KAZN: variants seen among roughly 807,000 people sequenced by gnomAD.
KAZN encodes kazrin, periplakin interacting protein.
Under a neutral mutation model 87.4 loss-of-function variants are expected in KAZN, and 40 were observed. That is an observed-to-expected ratio of 0.46 (90% CI 0.36 to 0.60). The LOEUF is 0.60. Ranked by LOEUF, KAZN falls within the 20% of genes least tolerant of loss-of-function variation. The probability of loss-of-function intolerance (pLI) is 0.00; values close to 1 mark genes in which losing one functional copy is unlikely to be tolerated. For missense variants in KAZN, 898 were observed against 1,073.9 expected (o/e 0.84, Z 2.29); for synonymous variants, 466 against 458.3 (o/e 1.02, Z -0.22).
intron 1 of KAZN, among the ~76,000 whole-genome samples, chr1:14,650,919 A>T (rs1179699424): frequency 6.6e-6 from 1 of 152,180 alleles, no homozygotes; most frequent in Non-Finnish European, 1.5e-5. Context: ...CAAATTGAAT[A>T]CTGACTTTCC....
intron 1 of KAZN, among the ~76,000 whole-genome samples, chr1:13,996,814 T>G (rs1639541479): frequency 6.6e-6 from 1 of 151,746 alleles, no homozygotes; most frequent in Admixed American, 6.6e-5. Flanking sequence ...TGAGTGGGTT[T>G]CCCCCCAAGC....
Position 14,551,918 on chromosome 1 carries a change from G to A in KAZN, c.250-47065G>A, listed in dbSNP as rs559493243. On this transcript the variant is annotated intron_variant, in intron 2 of 16. Coordinates refer to the KAZN transcript ENST00000636203. ...GGATGAAAAAGCAGCCTGATGTCAT[G>A]TACTCTTCTCTACTCATTACCGTCA... 3.1e-3 allele frequency among the ~76,000 whole-genome samples: 468 copies of A among 152,214 alleles called. 2 individuals are homozygous for A. The highest frequency in any genetic ancestry group is 9.6e-3 in the African/African-American group (399 of 41,538).
chr1:14,883,342 G>GAGAGAGAGAGAGAGAGAGAAAGAAAGA (rs1377953212), intron 1 of KAZN, among the ~76,000 whole-genome samples: 1 of 33,460 alleles, frequency 3.0e-5, no homozygotes, highest in African/African-American at 9.3e-5. Context: ...GAGAGAGAGA[G>GAGAGAGAGAGAGAGAGAGAAAGAAAGA]AAAGAAAGAA....
At chr1:13,932,378 A>G (rs1443574442) in intron 1 of KAZN, among the ~76,000 whole-genome samples, 2 of 146,426 alleles carry the variant, frequency 1.4e-5, no homozygotes, top group African/African-American at 2.6e-5. Flanking sequence ...CTCCTGCCTC[A>G]GCCTCCCGAG....
chr1:14,658,286 G>C (rs1316578879), intron 1 of KAZN, among the ~76,000 whole-genome samples: 1 of 152,136 alleles, frequency 6.6e-6, no homozygotes, highest in African/African-American at 2.4e-5. Context: ...TAACTAGGAG[G>C]GACCTGGGAT....
chr1:14,682,692 CAG>C (rs1435421154), intron 1 of KAZN, among the ~76,000 whole-genome samples: 7 of 152,078 alleles, frequency 4.6e-5, no homozygotes, highest in South Asian at 2.1e-4. Context: ...TAAAAGAAAA[CAG>C]AGTTTTTAAA....
intron 2 of KAZN, among the ~76,000 whole-genome samples, chr1:14,432,394 A>G (rs182986099): frequency 1.3e-5 from 2 of 152,334 alleles, no homozygotes; most frequent in East Asian, 3.9e-4. Context: ...TCTTCCAGAC[A>G]TGATTCAGTC....
intron 14 of KAZN, 66 bp downstream of exon 14, chr1:15,112,607 C>A (rs1236483023): frequency 1.6e-6 from 2 of 1,229,236 alleles, no homozygotes; most frequent in South Asian, 1.3e-5. Flanking sequence ...TTTCTCCTCC[C>A]GGGAGCTCTG....
intron 1 of KAZN, among the ~76,000 whole-genome samples, chr1:14,028,279 G>A (rs1641170370): frequency 6.6e-6 from 1 of 152,166 alleles, no homozygotes; most frequent in Non-Finnish European, 1.5e-5. Flanking sequence ...AGGTTGATGG[G>A]TATGCACAGA....
chr1:14,964,302 T>G (rs891463946), intron 2 of KAZN, among the ~76,000 whole-genome samples: 1 of 152,110 alleles, frequency 6.6e-6, no homozygotes, highest in Non-Finnish European at 1.5e-5. Flanking sequence ...CTTCATAGGA[T>G]TGTTGTGAAG....
intron 2 of KAZN, among the ~76,000 whole-genome samples, chr1:14,416,211 CT>C (rs1473161515): frequency 6.6e-6 from 1 of 152,132 alleles, no homozygotes; most frequent in Non-Finnish European, 1.5e-5. Context: ...TAAGCACCCC[CT>C]GATTATGTGT....
chr1:14,784,397 G>C (rs1199351148), intron 1 of KAZN, among the ~76,000 whole-genome samples: 4 of 152,148 alleles, frequency 2.6e-5, no homozygotes, highest in African/African-American at 9.7e-5. Flanking sequence ...GTCTGGGGAG[G>C]TATGGGCTCT....
rs2235787 is a variant in KAZN at position 15,116,980 on chromosome 1, C to G, written c.*2345C>G. 0.46 allele frequency: 69,878 copies of G among 152,004 alleles called. 16,331 individuals carry two copies. The highest frequency in any genetic ancestry group is 0.68 in the East Asian group (3,510 of 5,158). The allele number at this position is 152,004 out of a possible 1,614,324, so 9.4% of individuals were successfully genotyped here. A position where few individuals can be genotyped will look rare whatever the true frequency, so the allele number is the denominator to read the frequency against. On this transcript the variant is annotated 3_prime_UTR_variant, in exon 15 of 15. Transcript: ENST00000376030. ...TATGCCATCACAACCCTCTTTCACC[C>G]ATGAGGCTCCCCATCCCTGACAGCC...
At chr1:14,865,898 G>C (rs968051492) in intron 1 of KAZN, among the ~76,000 whole-genome samples, 17 of 152,120 alleles carry the variant, frequency 1.1e-4, no homozygotes, top group Non-Finnish European at 2.2e-4. Flanking sequence ...CACAAGCCAA[G>C]GAGTGCCAAG....
chr1:14,054,626 G>A (rs1259757297), intron 1 of KAZN, among the ~76,000 whole-genome samples: 2 of 152,162 alleles, frequency 1.3e-5, no homozygotes, highest in Non-Finnish European at 2.9e-5. Context: ...GATGACATAA[G>A]GACCTGGAAA....
At chr1:14,425,856 G>A (rs910357637) in intron 2 of KAZN, among the ~76,000 whole-genome samples, 3 of 152,174 alleles carry the variant, frequency 2.0e-5, no homozygotes, top group Non-Finnish European at 4.4e-5. Flanking sequence ...GTGGAAATGA[G>A]ATTTGAGTCC....
intron 1 of KAZN, among the ~76,000 whole-genome samples, chr1:14,022,309 A>G (rs1640865157): frequency 6.6e-6 from 1 of 151,814 alleles, no homozygotes; most frequent in Non-Finnish European, 1.5e-5. Context: ...TGATAACTTC[A>G]CCTTTGTAAA....
chr1:14,003,594 G>C (rs146655602), intron 1 of KAZN, among the ~76,000 whole-genome samples: 152 of 152,248 alleles, frequency 1.0e-3, no homozygotes, highest in African/African-American at 3.5e-3. Context: ...ACAGTCATTT[G>C]ATTTGTAAGA....
In KAZN at chr1:14,276,625, A is replaced by G. The variant is rs112030135; in HGVS notation, c.249+96033A>G. On this transcript the variant is annotated intron_variant, in intron 2 of 16. Transcript: ENST00000636203. ...CATCTTTTCCCTGCATCTTCACACCATCTTTCCTCTGTGTGTGTCTGTCTC... is the reference window on the plus strand; with the variant it reads ...CATCTTTTCCCTGCATCTTCACACCGTCTTTCCTCTGTGTGTGTCTGTCTC... Among the ~76,000 whole-genome samples, 1,245 of 152,128 alleles carry G rather than the reference A, an allele frequency of 8.2e-3. 15 individuals are homozygous for G. Among genetic ancestry groups the G allele is most frequent in the African/African-American group, 0.028 (1,146 of 41,484 alleles).
Sources: gnomAD v4.1 joint callset for allele counts (sites outside exome capture counted in the v4.1 genomes callset) on GRCh38, gnomAD v4.1.1 for gene constraint, MANE v1.5 for transcripts, NCBI Gene and HGNC (gene_info 2026-07-23, HGNC 2026-07-21) for gene names.